ECI2: variants seen among roughly 807,000 people sequenced by gnomAD.
The protein encoded by ECI2 is enoyl-CoA delta isomerase 2, also known as D3,D2-enoyl-CoA isomerase.
A neutral mutation model predicts 38.4 loss-of-function variants in ECI2; 27 were observed. The ratio of observed to expected loss-of-function variants is 0.70; its 90% CI spans 0.52 to 0.97. ECI2 has a LOEUF of 0.97. Among genes scored for constraint, ECI2 ranks in the 50% least tolerant of loss-of-function variants. ECI2 has a pLI of 0.00. For synonymous variants in ECI2, 168 were observed against 172.0 expected (o/e 0.98, Z 0.18); for missense variants, 470 against 474.4 (o/e 0.99, Z 0.09).
rs1410175639 is a variant in ECI2 at position 4,125,323 on chromosome 6, A to C, written c.722T>G (p.Val241Gly). The C allele has an allele frequency of 6.2e-7, 1 of 1,614,200 alleles. No homozygotes were observed. Residue 241 changes from valine (V) to glycine (G), a missense_variant, in exon 7 of 10, where the codon GTG (valine) becomes GGG (glycine). By Grantham distance (109) the Val-to-Gly change is moderately radical. Transcript: ENST00000380118. ...GATGCCCACAGCTGGACCATTGACCACTGCAATCAGAGGCTTAGGAAAATC... is the reference window on the plus strand; with the variant it reads ...GATGCCCACAGCTGGACCATTGACCCCTGCAATCAGAGGCTTAGGAAAATC... ...FIDFPKPLIA[V>G]VNGPAVGISV...
chr6:4,126,009 T>C (rs1195992211), intron 6 of ECI2, 126 bp downstream of exon 6: 2 of 766,354 alleles, frequency 2.6e-6, no homozygotes, highest in East Asian at 5.3e-5. Context: ...AGAAATATGC[T>C]TGTCCAAAGT....
chr6:4,135,341 C>G, intron 1 of ECI2, 170 bp downstream of exon 1: 1 of 1,471,802 alleles, frequency 6.8e-7, no homozygotes, highest in African/African-American at 1.4e-5. Flanking sequence ...CAGGAGGGCG[C>G]GCGTGAGGTC....
At chr6:4,126,279 T>G (rs1773152857) in intron 5 of ECI2, 42 bp from the exon 6 acceptor site, 1 of 1,541,840 alleles carries the variant, frequency 6.5e-7, no homozygotes, top group East Asian at 2.2e-5. Flanking sequence ...TCAATCATCC[T>G]ATAATTCTTG....
chr6:4,120,527 G>A (rs998955782), intron 7 of ECI2, among the ~76,000 whole-genome samples: 2 of 152,120 alleles, frequency 1.3e-5, no homozygotes, highest in African/African-American at 4.8e-5. Flanking sequence ...AGCAGTTCGA[G>A]ACCAGCCTGG....
In ECI2 at chr6:4,127,772, A is replaced by G. The variant is rs1164332574; in HGVS notation, c.561T>C (p.Thr187=). 3 of 1,613,214 alleles carry G rather than the reference A, an allele frequency of 1.9e-6. No individual in the cohort carries two copies. The South Asian group carries it at 3.3e-5, about 18-fold the overall frequency. ...KAASKDDSII[T]VLTGNGDYYS... is the part of the protein sequence containing the mutation. ...GAGAAAATGTCTTACCTGTTAAAAC[A>G]GTGATGATTGAGTCATCCTTGCTGG... Residue 187 remains threonine, a synonymous_variant, in exon 5 of 10, where the codon ACT becomes ACC. Transcript: ENST00000380118.
chr6:4,135,484 G>C (rs1247518549), intron 1 of ECI2, 27 bp downstream of exon 1: 1 of 1,611,154 alleles, frequency 6.2e-7, no homozygotes, highest in Non-Finnish European at 8.5e-7. Flanking sequence ...GCGACCATGG[G>C]CCGAACGGCC....
intron 7 of ECI2, chr6:4,121,865 CAT>C (rs1772799380): frequency 4.8e-6 from 3 of 627,374 alleles, no homozygotes; most frequent in Non-Finnish European, 8.0e-6. Flanking sequence ...AAATCTATAA[CAT>C]ATGCAGCATA....
intron 1 of ECI2, 59 bp downstream of exon 1, chr6:4,135,452 C>T (rs1239496505): frequency 2.5e-6 from 4 of 1,610,070 alleles, no homozygotes; most frequent in African/African-American, 1.3e-5. Context: ...GCGACCTTCG[C>T]CTGGACAGCG....
At chr6:4,126,979 C>A (rs79049771) in intron 5 of ECI2, among the ~76,000 whole-genome samples, 1,820 of 152,272 alleles carry the variant, frequency 0.012, 36 homozygotes, top group African/African-American at 0.042. Flanking sequence ...TATCCCACCC[C>A]ACCTGCTCCA....
At position 4,130,097 on chromosome 6, in the gene ECI2, C is replaced by T. The variant is rs369215359; in HGVS notation, c.501+275G>A. ...GGCTTCTATGCAAATTCTCTCATAG[C>T]AACATGTTTCATTTATATTCATTTA... On this transcript the variant is annotated intron_variant, in intron 4 of 9. Coordinates refer to ENST00000380118, the MANE Select transcript of ECI2 (RefSeq NM_206836.3). 3.9e-5 allele frequency: 63 copies of T among 1,610,082 alleles called. No individual in the cohort carries two copies. The South Asian group carries it at 4.6e-4, about 12-fold the overall frequency.
intron 7 of ECI2, among the ~76,000 whole-genome samples, chr6:4,119,975 A>G (rs993576551): frequency 2.0e-5 from 3 of 151,950 alleles, no homozygotes; most frequent in Non-Finnish European, 4.4e-5. Context: ...GAGAGTCACC[A>G]TGCTGTTGTA....
Position 4,119,059 on chromosome 6 carries a change from A to C in ECI2, c.885+127T>G, listed in dbSNP as rs1257857253. The C allele has an allele frequency of 5.1e-6, 4 of 779,872 alleles. No homozygotes were observed. In the African/African-American group the frequency reaches 5.3e-5, roughly 10 times the overall value. The allele number at this position is 779,872 out of a possible 1,614,324, so 48.3% of individuals were successfully genotyped here. A position where few individuals can be genotyped will look rare whatever the true frequency, so the allele number is the denominator to read the frequency against. On this transcript the variant is annotated intron_variant, in intron 8 of 9. Transcript: ENST00000380118. Reference sequence around the variant, plus strand: ...ATTGGTAAAACTCTTAAAGAGTTGAAAAGCAAATCATTAGCTTCTCTTTTG... The same window carrying C: ...ATTGGTAAAACTCTTAAAGAGTTGACAAGCAAATCATTAGCTTCTCTTTTG...
chr6:4,126,691 G>A (rs1773183425), intron 5 of ECI2, among the ~76,000 whole-genome samples: 1 of 152,168 alleles, frequency 6.6e-6, no homozygotes, highest in Non-Finnish European at 1.5e-5. Flanking sequence ...GGGAAAGCCA[G>A]GGGGAAGTCG....
chr6:4,124,679 A>G (rs1156639655), intron 7 of ECI2, among the ~76,000 whole-genome samples: 4 of 152,188 alleles, frequency 2.6e-5, no homozygotes, highest in Admixed American at 2.6e-4. Flanking sequence ...ATCTTTCAAA[A>G]TTTTATTTTC....
At chr6:4,128,323 G>A (rs1384962729) in intron 4 of ECI2, among the ~76,000 whole-genome samples, 1 of 152,040 alleles carries the variant, frequency 6.6e-6, no homozygotes, top group African/African-American at 2.4e-5. Flanking sequence ...TCTGGGAAGT[G>A]TTAGTGACTG....
At chr6:4,126,259 G>C in intron 5 of ECI2, 22 bp from the exon 6 acceptor site, 1 of 1,581,886 alleles carries the variant, frequency 6.3e-7, no homozygotes, top group Non-Finnish European at 8.7e-7. Flanking sequence ...AAAATCAACA[G>C]ATCCCTCATT....
chr6:4,116,914 C>T (rs987726639), intron 9 of ECI2, among the ~76,000 whole-genome samples: 17 of 152,172 alleles, frequency 1.1e-4, no homozygotes, highest in Admixed American at 7.2e-4. Flanking sequence ...TTTTGAATAG[C>T]AAGAATATAA....
chr6:4,125,668 G>A, intron 6 of ECI2: 1 of 456,842 alleles, frequency 2.2e-6, no homozygotes. Context: ...CAGTCTTAGA[G>A]ATTAGGTTGG....
At chr6:4,118,985 A>C in intron 8 of ECI2, 1 of 458,610 alleles carries the variant, frequency 2.2e-6, no homozygotes. Flanking sequence ...TGCAGAGAGA[A>C]TTTCTAATTT....
Sources: gnomAD v4.1 joint callset for allele counts (sites outside exome capture counted in the v4.1 genomes callset) on GRCh38, gnomAD v4.1.1 for gene constraint, MANE v1.5 for transcripts, NCBI Gene and HGNC (gene_info 2026-07-23, HGNC 2026-07-21) for gene names.